Variants in ILDR2 observed in about 807,000 individuals in gnomAD.
The protein encoded by ILDR2 is immunoglobulin like domain containing receptor 2.
Under a neutral mutation model 66.8 loss-of-function variants are expected in ILDR2, and 25 were observed. The observed-to-expected ratio is 0.37, with a 90% CI of 0.27 to 0.52. ILDR2 has a LOEUF of 0.52. Ranked by LOEUF, ILDR2 falls within the 20% of genes least tolerant of loss-of-function variation. The probability of loss-of-function intolerance (pLI) is 0.88; values close to 1 mark genes in which losing one functional copy is unlikely to be tolerated. For synonymous variants in ILDR2, 367 were observed against 357.2 expected (o/e 1.03, Z -0.31); for missense variants, 827 against 876.8 (o/e 0.94, Z 0.72).
chr1:166,898,474 GCCTGTGTCCAGCCAAAGGTCCAGAA>G, intron 2 of ILDR2, among the ~76,000 whole-genome samples: 1 of 152,104 alleles, frequency 6.6e-6, no homozygotes, highest in African/African-American at 2.4e-5. Flanking sequence ...AACTCTTCCA[GCCTGTGTCCAGCCAAAGGTCCAGAA>G]TGGCTGGATA....
At chr1:166,939,611 T>A (rs1446375002) in intron 3 of ILDR2, 41 bp from the exon 4 acceptor site, 1 of 1,583,694 alleles carries the variant, frequency 6.3e-7, no homozygotes, top group Non-Finnish European at 8.7e-7. Flanking sequence ...AAGTGGTTAT[T>A]CCAAGGGAAA....
chr1:166,975,216 C>A lies in ILDR2; in HGVS notation c.46+7G>T. 1 of 1,609,372 alleles carries A rather than the reference C, an allele frequency of 6.2e-7. No individual in the cohort carries two copies. Among genetic ancestry groups the A allele is most frequent in the Non-Finnish European group, 8.5e-7 (1 of 1,175,880 alleles). On this transcript the variant is annotated splice_region_variant and intron_variant, in intron 1 of 9. Transcript: ENST00000271417. ...AGTTATTCGTTTCTGTTGAAAAGGA[C>A]TCTTACCTGTTAGCCAGAAGAGAGA...
At chr1:166,947,278 G>A (rs561565144) in intron 3 of ILDR2, among the ~76,000 whole-genome samples, 1 of 152,296 alleles carries the variant, frequency 6.6e-6, no homozygotes, top group South Asian at 2.1e-4. Context: ...CCATCCATCA[G>A]ACTGCCACAG....
At position 166,915,447 on chromosome 1, in the gene ILDR2, T is replaced by C. The variant is rs1253740958; in HGVS notation, c.*3908A>G. ...GAATGCATATTAAAAATATGAATTC[T>C]GGCTCTAGACCCACCCAATCAATCT... is the stretch of plus-strand genomic sequence containing the variant. On this transcript the variant is annotated 3_prime_UTR_variant, in exon 10 of 10. Transcript: ENST00000271417. 1 of 152,246 alleles carries C rather than the reference T, an allele frequency of 6.6e-6. No individual in the cohort carries two copies. The highest frequency in any genetic ancestry group is 2.4e-5 in the African/African-American group (1 of 41,472). 9.4% of individuals were successfully genotyped at this position (152,246 alleles called of 1,614,324 possible).
At chr1:166,963,859 C>T (rs992981306) in intron 1 of ILDR2, among the ~76,000 whole-genome samples, 2 of 152,078 alleles carry the variant, frequency 1.3e-5, no homozygotes, top group East Asian at 3.9e-4. Flanking sequence ...GGGTCTTGCC[C>T]ACACGTAAAC....
intron 3 of ILDR2, among the ~76,000 whole-genome samples, chr1:166,951,768 G>A (rs151257127): frequency 2.6e-5 from 4 of 152,212 alleles, no homozygotes; most frequent in South Asian, 2.1e-4. Context: ...CTTGTTTATC[G>A]TAATATCCCC....
rs1389253866 is a variant in ILDR2, at chr1:166,910,799, G to A, written c.*8556C>T. On this transcript the variant is annotated 3_prime_UTR_variant, in exon 10 of 10. Coordinates refer to ENST00000271417, the MANE Select transcript of ILDR2 (RefSeq NM_199351.3). ...TAGCCTACTTCTTATTTCTTGAAAT[G>A]AAAGCATATAAAAATTGGATTAGAA... 3 of 152,226 alleles carry A rather than the reference G, an allele frequency of 2.0e-5. No individual in the cohort carries two copies. Among genetic ancestry groups the A allele is most frequent in the African/African-American group, 7.2e-5 (3 of 41,456 alleles). 9.4% of individuals were successfully genotyped at this position (152,226 alleles called of 1,614,324 possible).
Position 166,952,862 on chromosome 1 carries a change from G to A in ILDR2, c.499+3871C>T, listed in dbSNP as rs112922398. Among the ~76,000 whole-genome samples, 1,031 of 152,210 alleles carry A rather than the reference G, an allele frequency of 6.8e-3. 10 individuals carry two copies. Among genetic ancestry groups the A allele is most frequent in the African/African-American group, 0.023 (954 of 41,526 alleles). On this transcript the variant is annotated intron_variant, in intron 3 of 9. Coordinates refer to ENST00000271417, the MANE Select transcript of ILDR2 (RefSeq NM_199351.3). Reference sequence around the variant, plus strand: ...GATAAGGCTAGGAATCAAAACACTTGAGTTTGATCGATGACACTTTTTTAA... The same window carrying A: ...GATAAGGCTAGGAATCAAAACACTTAAGTTTGATCGATGACACTTTTTTAA...
At position 166,911,680 on chromosome 1, in the gene ILDR2, CACAAG is replaced by C. The variant is rs1245536757; in HGVS notation, c.*7670_*7674del. The stretch of plus-strand genomic sequence containing the variant: ...TTGTAAAAAAAAAAAAAGAGTAAGT[CACAAG>C]ACAACAGGGACTATGTAAATTTGAA... On this transcript the variant is annotated 3_prime_UTR_variant, in exon 10 of 10. Transcript: ENST00000271417. 6.8e-6 allele frequency: 1 copy of C among 147,548 alleles called. No individual in the cohort carries two copies. Among genetic ancestry groups the C allele is most frequent in the Non-Finnish European group, 1.5e-5 (1 of 67,036 alleles). The allele number at this position is 147,548 out of a possible 1,614,324, so 9.1% of individuals were successfully genotyped here.
intron 3 of ILDR2, among the ~76,000 whole-genome samples, chr1:166,945,029 G>T (rs180824186): frequency 5.3e-4 from 81 of 152,200 alleles, no homozygotes; most frequent in Non-Finnish European, 1.0e-3. Flanking sequence ...CAATATGCAG[G>T]GTTTCTAGCT....
Position 166,936,876 on chromosome 1 carries a change from C to T in ILDR2, c.557-139G>A. The T allele has an allele frequency of 1.3e-6, 1 of 767,820 alleles. No individual in the cohort carries two copies. The highest frequency in any genetic ancestry group is 2.5e-5 in the Admixed American group (1 of 40,262). The allele number at this position is 767,820 out of a possible 1,614,324, so 47.6% of individuals were successfully genotyped here. ...AAGCTTCTCTTAACAGGAGACAGAG[C>T]CCCAACACTCAAGAGGAACTCTGAG... is the stretch of plus-strand genomic sequence containing the variant. On this transcript the variant is annotated intron_variant, in intron 4 of 9. Transcript: ENST00000271417. This position sits in a 1 kb window ranked among gnomAD's most constrained non-coding sequence, Gnocchi z 5.0.
intron 2 of ILDR2, among the ~76,000 whole-genome samples, chr1:166,901,035 A>G (rs966106373): frequency 6.6e-6 from 1 of 152,226 alleles, no homozygotes; most frequent in African/African-American, 2.4e-5. Context: ...AAGCACATTC[A>G]AAAGCAGAAG....
rs796790162 is a variant in ILDR2 at position 166,911,296 on chromosome 1, T to C, written c.*8059A>G. 4.6e-5 allele frequency: 7 copies of C among 152,384 alleles called. No homozygotes were observed. Among genetic ancestry groups the C allele is most frequent in the African/African-American group, 1.7e-4 (7 of 41,594 alleles). 9.4% of individuals were successfully genotyped at this position (152,384 alleles called of 1,614,324 possible). ...ATTAGAAAGAAATGCACAATGCGTG[T>C]ATGTGTGCCTTTTTCATTTTTTCCC... On this transcript the variant is annotated 3_prime_UTR_variant, in exon 10 of 10. Coordinates refer to ENST00000271417, the MANE Select transcript of ILDR2 (RefSeq NM_199351.3).
At chr1:166,924,397 A>AT (rs1045698466) in intron 7 of ILDR2, among the ~76,000 whole-genome samples, 9 of 152,128 alleles carry the variant, frequency 5.9e-5, no homozygotes, top group Admixed American at 2.0e-4. Flanking sequence ...GGAATACTTG[A>AT]TTTTTTTTAT....
Position 166,909,847 on chromosome 1 carries a change from A to C in ILDR2, c.*9508T>G, listed in dbSNP as rs929569645. ...CTACTGGACATTAACGTCTCAGAGA[A>C]AGAAAAAGAGCCAGAAAAAATCCAC... On this transcript the variant is annotated 3_prime_UTR_variant, in exon 10 of 10. Coordinates refer to ENST00000271417, the MANE Select transcript of ILDR2 (RefSeq NM_199351.3). 2 of 144,922 alleles carry C rather than the reference A, an allele frequency of 1.4e-5. No individual in the cohort carries two copies. The highest frequency in any genetic ancestry group is 4.1e-4 in the East Asian group (2 of 4,872). The allele number at this position is 144,922 out of a possible 1,614,324, so 9.0% of individuals were successfully genotyped here.
chr1:166,962,668 G>C (rs1022803048), intron 1 of ILDR2, among the ~76,000 whole-genome samples: 10 of 152,020 alleles, frequency 6.6e-5, no homozygotes, highest in Admixed American at 3.3e-4. Context: ...GGTCTGCCCT[G>C]GGAGTAGGGG....
At position 166,916,977 on chromosome 1, in the gene ILDR2, T is replaced by C. The variant is rs1326470832; in HGVS notation, c.*2378A>G. On this transcript the variant is annotated 3_prime_UTR_variant, in exon 10 of 10. Transcript: ENST00000271417. The stretch of plus-strand genomic sequence containing the variant: ...TGACACAGTGCTCAGTATAAAGCGA[T>C]AATAGCTACCACAGCTACCCAATAT... The C allele has an allele frequency of 6.6e-6, 1 of 152,242 alleles. No individual in the cohort carries two copies. The allele number at this position is 152,242 out of a possible 1,614,324, so 9.4% of individuals were successfully genotyped here. A position where few individuals can be genotyped will look rare whatever the true frequency, so the allele number is the denominator to read the frequency against.
chr1:166,907,608 T>C (rs1321185946), downstream of ILDR2, among the ~76,000 whole-genome samples: 1 of 152,244 alleles, frequency 6.6e-6, no homozygotes, highest in Non-Finnish European at 1.5e-5. Context: ...TATCAAATTC[T>C]GGAATCGAAA....
In ILDR2 at chr1:166,957,921, C is replaced by A. The variant is rs146544194; in HGVS notation, c.227G>T (p.Arg76Leu). The change falls in exon 2 of 10, where the codon CGG (arginine) becomes CTG (leucine). Residue 76 changes from arginine to leucine, a missense_variant. Arg to Leu is a moderately radical substitution (Grantham distance 102). Coordinates refer to ENST00000271417, the MANE Select transcript of ILDR2 (RefSeq NM_199351.3). ...GTTTCTCTTGCTGAGAGATTGGGCC[C>A]GGGTAGAGGACATGCCCAAGGATTC... ...MGESLGMSST[R>L]AQSLSKRNLE... 4 of 1,614,138 alleles carry A rather than the reference C, an allele frequency of 2.5e-6. No homozygotes were observed. In the South Asian group the frequency reaches 4.4e-5, roughly 18 times the overall value.
Sources: gnomAD v4.1 joint callset for allele counts (sites outside exome capture counted in the v4.1 genomes callset) on GRCh38, gnomAD v4.1.1 for gene constraint, Gnocchi (gnomAD v3.1) non-coding constraint, MANE v1.5 for transcripts, NCBI Gene and HGNC (gene_info 2026-07-23, HGNC 2026-07-21) for gene names.